Variants in WDPCP observed in about 807,000 individuals in gnomAD.
WDPCP encodes WD repeat-containing and planar cell polarity effector protein fritz homolog.
WDPCP carries 71 observed loss-of-function variants against 93.1 expected under a neutral mutation model. The observed-to-expected ratio is 0.76, with a 90% CI of 0.63 to 0.93. The LOEUF is 0.93. Among genes scored for constraint, WDPCP ranks in the 40% least tolerant of loss-of-function variants. The pLI is 0.00. For missense variants in WDPCP, 844 were observed against 887.4 expected (o/e 0.95, Z 0.62); for synonymous variants, 315 against 315.0 (o/e 1.00, Z 0.00).
intron 13 of WDPCP, among the ~76,000 whole-genome samples, chr2:63,309,807 C>T (rs959087739): frequency 1.3e-5 from 2 of 151,910 alleles, no homozygotes; most frequent in Non-Finnish European, 2.9e-5. Context: ...AAAAAAAACC[C>T]CAGTTTCTGG....
At chr2:63,577,796 T>TA (rs1023659555) in intron 1 of WDPCP, among the ~76,000 whole-genome samples, 2 of 152,202 alleles carry the variant, frequency 1.3e-5, no homozygotes, top group African/African-American at 4.8e-5. Context: ...ATCCCAATCA[T>TA]AGACTATGTT....
chr2:63,569,520 C>G (rs1707321209), intron 1 of WDPCP, among the ~76,000 whole-genome samples: 1 of 152,082 alleles, frequency 6.6e-6, no homozygotes, highest in South Asian at 2.1e-4. Context: ...CCCAAGGAAG[C>G]AATGTCATTC....
rs1371340322 is a variant in WDPCP, at chr2:63,378,435, T to C, written c.1699A>G (p.Arg567Gly). 2.5e-6 allele frequency: 4 copies of C among 1,613,294 alleles called. No individual in the cohort carries two copies. The highest frequency in any genetic ancestry group is 3.4e-6 in the Non-Finnish European group (4 of 1,179,444). Reference sequence around the variant, plus strand: ...CTTGCATATTTGCTGATTTGATCTCTATATTCCAATATAGTGGAATCCAGA... The same window carrying C: ...CTTGCATATTTGCTGATTTGATCTCCATATTCCAATATAGTGGAATCCAGA... ...PLLDSTILEY[R>G]DQISKYARRF... The change falls in exon 12 of 18, where the codon AGA (arginine) becomes GGA (glycine). Residue 567 changes from arginine (R) to glycine (G), a missense_variant. By Grantham distance (125) the Arg-to-Gly change is moderately radical. Transcript: ENST00000272321.
chr2:63,208,848 T>G (rs960972029), intron 14 of WDPCP, among the ~76,000 whole-genome samples: 2 of 152,202 alleles, frequency 1.3e-5, no homozygotes, highest in Non-Finnish European at 2.9e-5. Context: ...CAAGTCAGCT[T>G]TTGCCCTTCT....
intron 10 of WDPCP, among the ~76,000 whole-genome samples, chr2:63,402,118 A>G (rs916507688): frequency 2.6e-5 from 4 of 152,212 alleles, no homozygotes; most frequent in Non-Finnish European, 5.9e-5. Context: ...CATATACACC[A>G]TGGAATACTA....
intron 2 of WDPCP, among the ~76,000 whole-genome samples, chr2:63,700,688 A>G (rs1223670284): frequency 6.6e-6 from 1 of 152,216 alleles, no homozygotes; most frequent in African/African-American, 2.4e-5. Flanking sequence ...AACCAAAGGA[A>G]CAGAATAGAG....
intron 11 of WDPCP, among the ~76,000 whole-genome samples, 191 bp from the exon 12 acceptor site, chr2:63,378,700 G>A (rs1199553147): frequency 6.6e-6 from 1 of 152,072 alleles, no homozygotes; most frequent in African/African-American, 2.4e-5. Flanking sequence ...TTGAGGCAAA[G>A]CTGACAATGA....
intron 2 of WDPCP, among the ~76,000 whole-genome samples, chr2:63,651,800 C>T (rs554290525): frequency 6.6e-6 from 1 of 152,310 alleles, no homozygotes; most frequent in South Asian, 2.1e-4. Context: ...TATAACCTAA[C>T]TCAGTTGACA....
intron 1 of WDPCP, among the ~76,000 whole-genome samples, chr2:63,522,785 C>T (rs1431564367): frequency 6.6e-6 from 1 of 152,036 alleles, no homozygotes; most frequent in African/African-American, 2.4e-5. Flanking sequence ...CCTGGAAAGA[C>T]CAATAAGTAG....
chr2:63,717,810 G>T (rs550732991), intron 2 of WDPCP: 13 of 258,016 alleles, frequency 5.0e-5, no homozygotes, highest in African/African-American at 2.5e-4. Context: ...GGGTATACTG[G>T]CACAGCACAT....
At chr2:63,335,627 T>C (rs1203853629) in intron 12 of WDPCP, among the ~76,000 whole-genome samples, 2 of 152,032 alleles carry the variant, frequency 1.3e-5, no homozygotes, top group East Asian at 1.9e-4. Context: ...ATTGCTGGTG[T>C]AGAAAAATGC....
intron 1 of WDPCP, among the ~76,000 whole-genome samples, chr2:63,575,296 T>G (rs1041977525): frequency 6.7e-6 from 1 of 148,446 alleles, no homozygotes; most frequent in African/African-American, 2.5e-5. Context: ...ATATATAGTA[T>G]GTATATATAT....
intron 1 of WDPCP, among the ~76,000 whole-genome samples, chr2:63,551,227 A>G (rs926493298): frequency 8.9e-4 from 46 of 51,946 alleles, no homozygotes; most frequent in Admixed American, 4.5e-3. Flanking sequence ...TTTATAAATA[A>G]ATACAAAAAA....
rs1015675755 is a variant in WDPCP at position 63,588,284 on chromosome 2, C to T, written c.-13G>A. The T allele has an allele frequency of 6.4e-7, 1 of 1,569,172 alleles. No individual in the cohort carries two copies. Among genetic ancestry groups the T allele is most frequent in the African/African-American group, 1.4e-5 (1 of 73,566 alleles). On this transcript the variant is annotated 5_prime_UTR_variant, in exon 1 of 18. Transcript: ENST00000272321. The stretch of plus-strand genomic sequence containing the variant: ...ACTCTCGCCTCATCACCAGACACTA[C>T]CCCGGGCAGAAGGTTCCTAGGCTAG...
chr2:63,138,525 C>A (rs1427736760), intron 17 of WDPCP, among the ~76,000 whole-genome samples: 1 of 149,694 alleles, frequency 6.7e-6, no homozygotes, highest in Non-Finnish European at 1.5e-5. Flanking sequence ...AATCTCGGCT[C>A]ACTGCAGGCT....
chr2:63,178,460 C>G (rs1673983706), intron 14 of WDPCP, among the ~76,000 whole-genome samples: 1 of 152,106 alleles, frequency 6.6e-6, no homozygotes. Context: ...AAGATTTTGT[C>G]CATTTATGTA....
chr2:63,649,956 C>A lies in WDPCP; in HGVS notation n.488+703G>T, dbSNP rs17028073. Among the ~76,000 whole-genome samples the A allele has an allele frequency of 6.0e-3, 909 of 152,262 alleles. 5 individuals are homozygous for A. The highest frequency in any genetic ancestry group is 0.02 in the African/African-American group (844 of 41,546). On this transcript the variant is annotated intron_variant and non_coding_transcript_variant, in intron 3 of 4. Coordinates refer to the WDPCP transcript ENST00000467687. ...GGCTTAAACCAAGTCTGACAGACAA[C>A]CTCTGGGGTCAGGAATGAGAAGCAA...
At chr2:63,526,101 TC>T (rs1703321421) in intron 1 of WDPCP, among the ~76,000 whole-genome samples, 1 of 152,028 alleles carries the variant, frequency 6.6e-6, no homozygotes. Flanking sequence ...ACATGTGCTC[TC>T]CCATGCACGT....
intron 9 of WDPCP, among the ~76,000 whole-genome samples, chr2:63,425,060 T>C (rs1220836112): frequency 1.3e-5 from 2 of 152,136 alleles, no homozygotes; most frequent in Non-Finnish European, 2.9e-5. Flanking sequence ...AAAATACTCT[T>C]CCAGTATACA....
Sources: allele counts gnomAD v4.1 joint callset (sites outside exome capture counted in the v4.1 genomes callset), GRCh38; gene constraint gnomAD v4.1.1; transcripts MANE v1.5; gene names NCBI Gene and HGNC (gene_info 2026-07-23, HGNC 2026-07-21).